The following GRM8 variants were observed in gnomAD, a reference collection of about 807,000 sequenced individuals.
The protein encoded by GRM8 is glutamate metabotropic receptor 8, also known as metabotropic glutamate receptor 8.
Under a neutral mutation model 87.2 loss-of-function variants are expected in GRM8, and 47 were observed. The observed-to-expected ratio is 0.54, with a 90% confidence interval of 0.43 to 0.69. The LOEUF (loss-of-function observed/expected upper bound fraction) is 0.69. Among genes scored for constraint, GRM8 ranks in the 30% least tolerant of loss-of-function variants. The pLI is 0.00. For synonymous variants in GRM8, 396 were observed against 404.5 expected (o/e 0.98, Z 0.25); for missense variants, 1,019 against 1,139.2 (o/e 0.89, Z 1.52).
chr7:126,529,875 G>A (rs956233375), intron 9 of GRM8, among the ~76,000 whole-genome samples: 1 of 152,078 alleles, frequency 6.6e-6, no homozygotes, highest in African/African-American at 2.4e-5. Flanking sequence ...TGCCTCAGTG[G>A]TCTACCCTTC....
At chr7:127,149,008 G>A (rs925210691) in intron 2 of GRM8, among the ~76,000 whole-genome samples, 4 of 151,948 alleles carry the variant, frequency 2.6e-5, no homozygotes, top group African/African-American at 9.7e-5. Flanking sequence ...ACAGCTCATG[G>A]ACATTGGCCT....
intron 3 of GRM8, among the ~76,000 whole-genome samples, chr7:126,919,929 G>A (rs553863327): frequency 6.6e-6 from 1 of 152,122 alleles, no homozygotes; most frequent in Non-Finnish European, 1.5e-5. Context: ...TGCTGAGCAT[G>A]GAAAATAGAA....
intron 6 of GRM8, among the ~76,000 whole-genome samples, chr7:126,893,667 T>C (rs1563290057): frequency 6.6e-6 from 1 of 151,990 alleles, no homozygotes; most frequent in Non-Finnish European, 1.5e-5. Flanking sequence ...CAAACTATTG[T>C]CTGACTATTA....
chr7:126,766,558 C>A (rs1818217656), intron 7 of GRM8, among the ~76,000 whole-genome samples: 1 of 152,070 alleles, frequency 6.6e-6, no homozygotes. Flanking sequence ...TCCTGGCAGA[C>A]AATCTAGAAG....
intron 9 of GRM8, among the ~76,000 whole-genome samples, chr7:126,501,659 A>C (rs1330160554): frequency 6.6e-6 from 1 of 152,022 alleles, no homozygotes; most frequent in East Asian, 1.9e-4. Flanking sequence ...GAAAACTTTG[A>C]ATCAGGCCGG....
At chr7:126,570,786 C>T (rs538534945) in intron 8 of GRM8, among the ~76,000 whole-genome samples, 1 of 152,186 alleles carries the variant, frequency 6.6e-6, no homozygotes, top group African/African-American at 2.4e-5. Flanking sequence ...AGCAACAACA[C>T]AATCCAAGAC....
At chr7:126,824,135 TA>T (rs1794542438) in intron 6 of GRM8, among the ~76,000 whole-genome samples, 1 of 152,232 alleles carries the variant, frequency 6.6e-6, no homozygotes, top group South Asian at 2.1e-4. Flanking sequence ...TTATTCATAT[TA>T]AAATATGGTC....
At chr7:126,654,117 T>C (rs1479673963) in intron 7 of GRM8, among the ~76,000 whole-genome samples, 1 of 152,212 alleles carries the variant, frequency 6.6e-6, no homozygotes, top group Non-Finnish European at 1.5e-5. Context: ...ACTAGACCCC[T>C]AAGCAGATTC....
In GRM8 at chr7:127,242,936, G is replaced by C. The variant is rs199857118; in HGVS notation, c.269C>G (p.Pro90Arg). The change falls in exon 2 of 11, where the codon CCT becomes CGT. Residue 90 changes from proline to arginine, a missense_variant. Pro to Arg is a moderately radical substitution (Grantham distance 103). Coordinates refer to ENST00000339582, the MANE Select transcript of GRM8 (RefSeq NM_000845.3). ...CAGAGTGATGTTGGAAAGGAGATCA[G>C]GGTCCTTGTTAATCTGGTCAATTGC... Reference protein sequence around the residue: ...LYAIDQINKDPDLLSNITLGV... With the variant: ...LYAIDQINKDRDLLSNITLGV... 9.0e-5 allele frequency: 145 copies of C among 1,614,074 alleles called. No homozygotes were observed. Among genetic ancestry groups the C allele is most frequent in the Non-Finnish European group, 2.5e-5 (29 of 1,180,034 alleles).
intron 3 of GRM8, among the ~76,000 whole-genome samples, chr7:126,924,796 A>G (rs1326549282): frequency 6.6e-6 from 1 of 152,162 alleles, no homozygotes; most frequent in Non-Finnish European, 1.5e-5. Context: ...TGTATATAAG[A>G]AGTTGAATGA....
At position 127,178,342 on chromosome 7, in the gene GRM8, G is replaced by A. The variant is rs187980897; in HGVS notation, c.510+64353C>T. Among the ~76,000 whole-genome samples the A allele has an allele frequency of 3.5e-4, 53 of 152,258 alleles. 1 individual carries two copies. Among genetic ancestry groups the A allele is most frequent in the Non-Finnish European group, 6.3e-4 (43 of 68,006 alleles). ...AAAATATGAATAAAGCCTCCAAGAA[G>A]TCTGGGATTATGTTAAACAACCAAA... On this transcript the variant is annotated intron_variant, in intron 2 of 10. Coordinates refer to ENST00000339582, the MANE Select transcript of GRM8 (RefSeq NM_000845.3).
intron 6 of GRM8, among the ~76,000 whole-genome samples, chr7:126,877,601 T>C (rs964127238): frequency 1.3e-5 from 2 of 152,196 alleles, no homozygotes; most frequent in African/African-American, 4.8e-5. Flanking sequence ...CTATTCTCTG[T>C]CTACCTGAAA....
intron 2 of GRM8, among the ~76,000 whole-genome samples, chr7:127,135,700 A>G (rs1827912500): frequency 6.6e-6 from 1 of 151,804 alleles, no homozygotes; most frequent in Non-Finnish European, 1.5e-5. Context: ...GTTACATGCA[A>G]TTGGGCAGAG....
At chr7:127,241,729 C>A (rs190092602) in intron 2 of GRM8, among the ~76,000 whole-genome samples, 226 of 152,246 alleles carry the variant, frequency 1.5e-3, no homozygotes, top group Middle Eastern at 6.8e-3. Context: ...GCCACTGCAC[C>A]CAGCCAGGAA....
At chr7:127,008,568 C>A (rs1311675533) in intron 3 of GRM8, among the ~76,000 whole-genome samples, 1 of 152,088 alleles carries the variant, frequency 6.6e-6, no homozygotes, top group African/African-American at 2.4e-5. Flanking sequence ...GAAATTTAAT[C>A]TCAGTGTTTG....
intron 7 of GRM8, among the ~76,000 whole-genome samples, chr7:126,691,483 C>T (rs1808802602): frequency 1.3e-5 from 2 of 152,166 alleles, no homozygotes; most frequent in African/African-American, 4.8e-5. Flanking sequence ...AGTGAGGTTC[C>T]TGCCCCTCCA....
intron 3 of GRM8, among the ~76,000 whole-genome samples, chr7:126,953,435 T>C (rs1466215706): frequency 6.6e-6 from 1 of 152,158 alleles, no homozygotes; most frequent in Non-Finnish European, 1.5e-5. Context: ...TCTCAGTTGT[T>C]TGCAACTCCA....
intron 8 of GRM8, among the ~76,000 whole-genome samples, chr7:126,542,341 C>G (rs1316540125): frequency 6.6e-6 from 1 of 152,166 alleles, no homozygotes; most frequent in African/African-American, 2.4e-5. Context: ...AGGAATAAAA[C>G]AGTTTCTTCT....
chr7:127,052,112 A>G lies in GRM8; in HGVS notation c.727+54384T>C, dbSNP rs549351993. Among the ~76,000 whole-genome samples, 23 of 152,330 alleles carry G rather than the reference A, an allele frequency of 1.5e-4. No individual in the cohort carries two copies. The South Asian group carries it at 4.8e-3, about 32-fold the overall frequency. On this transcript the variant is annotated intron_variant, in intron 3 of 10. Coordinates refer to ENST00000339582, the MANE Select transcript of GRM8 (RefSeq NM_000845.3). ...TGAAAATTTTTGATAAGAAAAAAAAATCAGTTGGAGTCTGCTATCAATTTA... is the reference window on the plus strand; with the variant it reads ...TGAAAATTTTTGATAAGAAAAAAAAGTCAGTTGGAGTCTGCTATCAATTTA...
Sources: allele counts gnomAD v4.1 joint callset (sites outside exome capture counted in the v4.1 genomes callset), GRCh38; gene constraint gnomAD v4.1.1; transcripts MANE v1.5; gene names NCBI Gene and HGNC (gene_info 2026-07-23, HGNC 2026-07-21).